Variants in MYOM3 observed in about 807,000 individuals in gnomAD.
MYOM3 encodes the protein myomesin 3, also known as myomesin-3.
Under a neutral mutation model 191.7 loss-of-function variants are expected in MYOM3, and 155 were observed. That is an observed-to-expected ratio of 0.81 (90% CI 0.71 to 0.92). MYOM3 has a LOEUF of 0.92. Among genes scored for constraint, MYOM3 ranks in the 40% least tolerant of loss-of-function variants. The probability of loss-of-function intolerance (pLI) is 0.00; values close to 1 mark genes in which losing one functional copy is unlikely to be tolerated. For synonymous variants in MYOM3, 757 were observed against 762.9 expected (o/e 0.99, Z 0.13); for missense variants, 1,889 against 1,890.6 (o/e 1.00, Z 0.02).
chr1:24,064,206 G>GGA (rs751153373), intron 29 of MYOM3, 47 bp from the exon 30 acceptor site: 1 of 1,489,542 alleles, frequency 6.7e-7, no homozygotes, highest in South Asian at 1.1e-5. Flanking sequence ...GGCTCCAGAA[G>GGA]GAGAGATGGA....
intron 20 of MYOM3, among the ~76,000 whole-genome samples, chr1:24,076,580 C>A (rs1643603912): frequency 1.3e-5 from 1 of 77,886 alleles, no homozygotes; most frequent in Admixed American, 1.9e-4. Flanking sequence ...GTGGCGGGAT[C>A]TCGGCTCATT....
rs1643683036 is a variant in MYOM3 at position 24,082,426 on chromosome 1, T to A, written c.2092+167A>T. ...CCCATCCCATGGCCTCAAGCCATGG[T>A]TACTTCCTTCCCAAAGGAAAGGGCA... On this transcript the variant is annotated intron_variant, in intron 17 of 36. Coordinates refer to ENST00000374434, the MANE Select transcript of MYOM3 (RefSeq NM_152372.4). The A allele has an allele frequency of 3.7e-6, 4 of 1,067,690 alleles. No individual in the cohort carries two copies. In the South Asian group the frequency reaches 7.5e-5, roughly 20 times the overall value. The allele number at this position is 1,067,690 out of a possible 1,614,324, so 66.1% of individuals were successfully genotyped here.
intron 28 of MYOM3, chr1:24,066,469 C>T: frequency 1.3e-5 from 7 of 543,322 alleles, no homozygotes; most frequent in Middle Eastern, 9.9e-4. Flanking sequence ...TGGGAGAGCA[C>T]CCACCCTCCC....
intron 16 of MYOM3, chr1:24,083,441 C>A: frequency 6.5e-6 from 1 of 152,858 alleles, no homozygotes; most frequent in South Asian, 1.9e-4. Flanking sequence ...GTTGGCTTCC[C>A]TACTTTTGAG....
intron 20 of MYOM3, 152 bp from the exon 21 acceptor site, chr1:24,076,425 C>A (rs1189777868): frequency 3.2e-6 from 2 of 618,694 alleles, no homozygotes; most frequent in Non-Finnish European, 2.9e-6. Context: ...CCATTCAACA[C>A]CTGGGGATTG....
At position 24,087,028 on chromosome 1, in the gene MYOM3, C is replaced by T. The variant is rs1030793575; in HGVS notation, c.1615-201G>A. Among the ~76,000 whole-genome samples, 1 of 152,178 alleles carries T rather than the reference C, an allele frequency of 6.6e-6. No homozygotes were observed. The highest frequency in any genetic ancestry group is 2.4e-5 in the African/African-American group (1 of 41,454). On this transcript the variant is annotated intron_variant, in intron 14 of 36. Transcript: ENST00000374434. The surrounding 1 kb of genome is among the most constrained non-coding windows in gnomAD (Gnocchi z 4.5). ...ATTCCTACCGAGACCTCACGTCCAG[C>T]CTGTCCACAACGCGGCTCCAGAGCT...
At chr1:24,102,125 C>G (rs1643942134) in intron 5 of MYOM3, among the ~76,000 whole-genome samples, 1 of 152,176 alleles carries the variant, frequency 6.6e-6, no homozygotes, top group African/African-American at 2.4e-5. Context: ...GGCACCCCAG[C>G]CTCAGCCTGC....
Position 24,062,122 on chromosome 1 carries a change from G to A in MYOM3, c.3771-13C>T. The A allele has an allele frequency of 1.2e-6, 2 of 1,613,492 alleles. No individual in the cohort carries two copies. The highest frequency in any genetic ancestry group is 1.7e-6 in the Non-Finnish European group (2 of 1,179,740). On this transcript the variant is annotated splice_polypyrimidine_tract_variant and intron_variant, in intron 32 of 36. Coordinates refer to ENST00000374434, the MANE Select transcript of MYOM3 (RefSeq NM_152372.4). Reference sequence around the variant, plus strand: ...CAGACGTTTGTCTCTGAATGTGAGGGTGGAGAAATGGTTAAGGCTGCCTGT... The same window carrying A: ...CAGACGTTTGTCTCTGAATGTGAGGATGGAGAAATGGTTAAGGCTGCCTGT...
Position 24,063,242 on chromosome 1 carries a change from G to T in MYOM3, c.3662-8C>A. 6.2e-7 allele frequency: 1 copy of T among 1,608,898 alleles called. No homozygotes were observed. Among genetic ancestry groups the T allele is most frequent in the Non-Finnish European group, 8.5e-7 (1 of 1,175,308 alleles). ...GTGGAGTTGCAGAGAGGGCTGGGGA[G>T]ACAGAGGAGAAGGATGAATCTTCCC... On this transcript the variant is annotated splice_polypyrimidine_tract_variant and splice_region_variant and intron_variant, in intron 31 of 36. Transcript: ENST00000374434. This position sits in a 1 kb window ranked among gnomAD's most constrained non-coding sequence, Gnocchi z 4.5.
At chr1:24,094,815 A>C (rs772687455) in intron 9 of MYOM3, 38 bp downstream of exon 9, 2 of 1,583,722 alleles carry the variant, frequency 1.3e-6, no homozygotes, top group South Asian at 1.2e-5. Context: ...TGGAGGGGCC[A>C]GCTCTGGAGG....
chr1:24,068,507 C>T (rs1643482547), intron 25 of MYOM3, 140 bp from the exon 26 acceptor site: 1 of 926,626 alleles, frequency 1.1e-6, no homozygotes, highest in Non-Finnish European at 1.6e-6. Context: ...TTGGGTAACC[C>T]TCTGCTGCTC....
intron 1 of MYOM3, among the ~76,000 whole-genome samples, chr1:24,110,384 G>A (rs776066044): frequency 1.1e-4 from 17 of 152,072 alleles, no homozygotes; most frequent in Non-Finnish European, 2.4e-4. Flanking sequence ...GTGTGTGTGC[G>A]TGCATGTGTA....
At position 24,108,370 on chromosome 1, in the gene MYOM3, C is replaced by T. The variant is rs1244876046; in HGVS notation, c.161+106G>A. ...GGGTTCAGAAAGCAGGGATGTCCCT[C>T]CCCCCATCAGGTTGGAGCCTCCAGA... On this transcript the variant is annotated intron_variant, in intron 2 of 36. Transcript: ENST00000374434. 13 of 1,223,808 alleles carry T rather than the reference C, an allele frequency of 1.1e-5. No homozygotes were observed. In the Admixed American group the frequency reaches 3.7e-4, roughly 35 times the overall value. 75.8% of individuals were successfully genotyped at this position (1,223,808 alleles called of 1,614,324 possible).
chr1:24,090,796 C>T lies in MYOM3; in HGVS notation c.1432+1G>A, dbSNP rs1267805291. ...AAGTCGCTTAGGACCTCTGTACCCA[C>T]CTGTCTTCCTCCGGGCTGCATCATG... On this transcript the variant is annotated splice_donor_variant, in intron 12 of 36. Coordinates refer to ENST00000374434, the MANE Select transcript of MYOM3 (RefSeq NM_152372.4). LOFTEE classifies it high-confidence loss of function. The T allele has an allele frequency of 6.2e-7, 1 of 1,613,982 alleles. No homozygotes were observed. The highest frequency in any genetic ancestry group is 8.5e-7 in the Non-Finnish European group (1 of 1,179,996).
At position 24,092,941 on chromosome 1, in the gene MYOM3, C is replaced by A; in HGVS notation, c.1090+6G>T. ...GCTGCTACCCTGCGCCCACCCATGC[C>A]CTCACCTCTCACAAGCACGTAGGTG... On this transcript the variant is annotated splice_donor_region_variant and intron_variant, in intron 10 of 36. Transcript: ENST00000374434. The A allele has an allele frequency of 6.4e-7, 1 of 1,553,482 alleles. No homozygotes were observed. The highest frequency in any genetic ancestry group is 8.7e-7 in the Non-Finnish European group (1 of 1,151,602).
intron 33 of MYOM3, among the ~76,000 whole-genome samples, 182 bp downstream of exon 33, chr1:24,061,764 T>C (rs747201657): frequency 1.3e-5 from 2 of 152,024 alleles, no homozygotes; most frequent in Non-Finnish European, 2.9e-5. Flanking sequence ...TTAGTTTTTG[T>C]AGGAATGTTG....
rs1643395465 is a variant in MYOM3, at chr1:24,063,347, G to T, written c.3662-113C>A. ...GGGCAGGTGCTGTGGGGGAAATGCA[G>T]TGCTGTGAAGAGGCGGGATTTTCTC... On this transcript the variant is annotated intron_variant, in intron 31 of 36. Coordinates refer to ENST00000374434, the MANE Select transcript of MYOM3 (RefSeq NM_152372.4). The surrounding 1 kb of genome is among the most constrained non-coding windows in gnomAD (Gnocchi z 4.5). 1.5e-6 allele frequency: 2 copies of T among 1,369,082 alleles called. No homozygotes were observed. The highest frequency in any genetic ancestry group is 2.1e-6 in the Non-Finnish European group (2 of 960,500). 84.8% of individuals were successfully genotyped at this position (1,369,082 alleles called of 1,614,324 possible). A position where few individuals can be genotyped will look rare whatever the true frequency, so the allele number is the denominator to read the frequency against.
chr1:24,057,994 A>G (rs565359993), intron 36 of MYOM3, among the ~76,000 whole-genome samples: 19 of 152,078 alleles, frequency 1.2e-4, no homozygotes, highest in Middle Eastern at 3.4e-3. Flanking sequence ...TTTAGTAGAG[A>G]TGGGGTTTTG....
chr1:24,101,320 T>C (rs1045442406), intron 5 of MYOM3, among the ~76,000 whole-genome samples: 2 of 152,172 alleles, frequency 1.3e-5, no homozygotes, highest in African/African-American at 2.4e-5. Flanking sequence ...AACAAGCTTC[T>C]AGCTTATTTA....
Sources: gnomAD v4.1 joint callset for allele counts (sites outside exome capture counted in the v4.1 genomes callset) on GRCh38, gnomAD v4.1.1 for gene constraint, Gnocchi (gnomAD v3.1) non-coding constraint, MANE v1.5 for transcripts, NCBI Gene and HGNC (gene_info 2026-07-23, HGNC 2026-07-21) for gene names.